The following NLRC5 variants were observed in gnomAD, a reference collection of about 807,000 sequenced individuals.
The protein encoded by NLRC5 is protein NLRC5.
In NLRC5, 114 loss-of-function variants were observed where a neutral mutation model predicts 206.9. The observed-to-expected ratio is 0.55, with a 90% confidence interval of 0.47 to 0.64. The LOEUF is 0.64. Ranked by LOEUF, NLRC5 falls within the 30% of genes least tolerant of loss-of-function variation. NLRC5 has a pLI of 0.00. For synonymous variants in NLRC5, 952 were observed against 962.8 expected (o/e 0.99, Z 0.21); for missense variants, 2,008 against 2,305.5 (o/e 0.87, Z 2.64).
chr16:57,046,403 T>C, intron 21 of NLRC5, 149 bp from the exon 22 acceptor site: 1 of 626,488 alleles, frequency 1.6e-6, no homozygotes, highest in Non-Finnish European at 2.9e-6. Flanking sequence ...CTGAGATGCC[T>C]TCCAGCCCTG....
chr16:57,022,200 G>A, intron 3 of NLRC5, 56 bp from the exon 4 acceptor site: 1 of 1,510,658 alleles, frequency 6.6e-7, no homozygotes, highest in African/African-American at 1.4e-5. Context: ...GCCAGAGCTG[G>A]TCCCCAGCAT....
chr16:57,064,585 C>T (rs1163091502), intron 32 of NLRC5, among the ~76,000 whole-genome samples: 3 of 152,120 alleles, frequency 2.0e-5, no homozygotes, highest in African/African-American at 7.2e-5. Flanking sequence ...AGTTTGGTTT[C>T]CTTACCTTTG....
At chr16:57,058,451 C>A in intron 28 of NLRC5, 1 of 426,754 alleles carries the variant, frequency 2.3e-6, no homozygotes, top group Non-Finnish European at 4.3e-6. Context: ...CCATCCCCAA[C>A]CAGCTGATGC....
Position 57,070,450 on chromosome 16 carries a change from A to G in NLRC5, c.4584-85A>G, listed in dbSNP as rs1191502908. The G allele has an allele frequency of 1.1e-5, 13 of 1,214,990 alleles. No individual in the cohort carries two copies. The African/African-American group carries it at 1.9e-4, about 18-fold the overall frequency. The allele number at this position is 1,214,990 out of a possible 1,614,324, so 75.3% of individuals were successfully genotyped here. A position where few individuals can be genotyped will look rare whatever the true frequency, so the allele number is the denominator to read the frequency against. On this transcript the variant is annotated intron_variant, in intron 37 of 48. Coordinates refer to ENST00000688547, the MANE Select transcript of NLRC5 (RefSeq NM_001384950.1). ...GCAGAGTTGGCCTCCCAGGGGACAG[A>G]GCAGGAGAGGGGAGCTGACAGGACA... is the stretch of plus-strand genomic sequence containing the variant.
rs191020702 is a variant in NLRC5, at chr16:57,013,209, C to T, written c.-127-3865C>T. The T allele has an allele frequency of 2.4e-3, 1,117 of 457,418 alleles. 5 individuals carry two copies. Among genetic ancestry groups the T allele is most frequent in the Non-Finnish European group, 3.1e-3 (743 of 240,290 alleles). 28.3% of individuals were successfully genotyped at this position (457,418 alleles called of 1,614,324 possible). On this transcript the variant is annotated intron_variant, in intron 1 of 48. Coordinates refer to ENST00000688547, the MANE Select transcript of NLRC5 (RefSeq NM_001384950.1). Reference sequence around the variant, plus strand: ...TGACTTCTAACTTCATTAAAGGTTGCGAACAGTATCAAATCCTTGGTAAAG... The same window carrying T: ...TGACTTCTAACTTCATTAAAGGTTGTGAACAGTATCAAATCCTTGGTAAAG...
At chr16:57,041,334 CTT>C (rs1449165881) in intron 17 of NLRC5, 149 bp from the exon 18 acceptor site, 1 of 621,840 alleles carries the variant, frequency 1.6e-6, no homozygotes, top group African/African-American at 1.8e-5. Flanking sequence ...GTTGGTCCCT[CTT>C]TGTCCGTCTG....
chr16:57,065,710 C>T (rs1567631465), intron 33 of NLRC5, among the ~76,000 whole-genome samples: 2 of 152,232 alleles, frequency 1.3e-5, no homozygotes, highest in South Asian at 2.1e-4. Context: ...AACTCAGTCA[C>T]TTACTGGTTG....
At chr16:57,065,895 AG>A (rs1365475464) in intron 33 of NLRC5, among the ~76,000 whole-genome samples, 4 of 152,182 alleles carry the variant, frequency 2.6e-5, no homozygotes, top group African/African-American at 7.2e-5. Context: ...GGAGTGAGCA[AG>A]GGGATGCTCT....
In NLRC5 at chr16:57,029,759, T is replaced by C; in HGVS notation, c.2244-14T>C. On this transcript the variant is annotated splice_polypyrimidine_tract_variant and intron_variant, in intron 8 of 48. Transcript: ENST00000688547. ...ACCCCAGGGCAAAGGGACTGGGCCTTGGTCTCCTCGCAGTTTTCGGGACAA... is the reference window on the plus strand; with the variant it reads ...ACCCCAGGGCAAAGGGACTGGGCCTCGGTCTCCTCGCAGTTTTCGGGACAA... 6.2e-7 allele frequency: 1 copy of C among 1,613,586 alleles called. No homozygotes were observed. Among genetic ancestry groups the C allele is most frequent in the East Asian group, 2.2e-5 (1 of 44,872 alleles).
At chr16:56,992,893 A>C (rs1484942253) in intron 1 of NLRC5, among the ~76,000 whole-genome samples, 1 of 152,136 alleles carries the variant, frequency 6.6e-6, no homozygotes, top group Non-Finnish European at 1.5e-5. Flanking sequence ...CATGTTTTAA[A>C]ATTTTTAATT....
At chr16:57,002,933 G>A (rs1381920062) in intron 1 of NLRC5, among the ~76,000 whole-genome samples, 1 of 151,904 alleles carries the variant, frequency 6.6e-6, no homozygotes, top group Non-Finnish European at 1.5e-5. Flanking sequence ...GTGAGCCTCC[G>A]TGCCCAGCCC....
intron 1 of NLRC5, among the ~76,000 whole-genome samples, chr16:57,012,231 T>C (rs1472897703): frequency 6.6e-6 from 1 of 152,256 alleles, no homozygotes; most frequent in Non-Finnish European, 1.5e-5. Flanking sequence ...TATAGATATG[T>C]CACAGTTTGT....
chr16:57,010,176 A>G (rs1393437945), intron 1 of NLRC5, among the ~76,000 whole-genome samples: 3 of 152,170 alleles, frequency 2.0e-5, no homozygotes, highest in East Asian at 3.8e-4. Context: ...TGAAACGCAC[A>G]TGAGGCATCC....
intron 19 of NLRC5, among the ~76,000 whole-genome samples, chr16:57,042,342 A>C (rs2063388020): frequency 6.6e-6 from 1 of 152,062 alleles, no homozygotes; most frequent in Non-Finnish European, 1.5e-5. Context: ...TGGGGAGGGC[A>C]GGTGTGGGTG....
chr16:57,075,005 CT>C (rs77796033), intron 39 of NLRC5, among the ~76,000 whole-genome samples: 1 of 58,104 alleles, frequency 1.7e-5, no homozygotes, highest in African/African-American at 7.0e-5. Context: ...CTAGACTGTG[CT>C]TTTTTTTTTT....
chr16:57,006,413 CTT>C (rs58713490), intron 1 of NLRC5, among the ~76,000 whole-genome samples: 2 of 90,816 alleles, frequency 2.2e-5, no homozygotes, highest in Admixed American at 1.5e-4. Flanking sequence ...TCTTCATCCT[CTT>C]TTTTTTTTTT....
chr16:57,005,105 G>C (rs143500175), intron 1 of NLRC5, among the ~76,000 whole-genome samples: 1 of 152,134 alleles, frequency 6.6e-6, no homozygotes, highest in East Asian at 1.9e-4. Flanking sequence ...CACTTCGAAC[G>C]GAAAGCCAGA....
intron 1 of NLRC5, among the ~76,000 whole-genome samples, chr16:57,002,558 G>A (rs1369923909): frequency 6.6e-4 from 100 of 152,074 alleles, no homozygotes; most frequent in Non-Finnish European, 2.9e-5. Context: ...ATCTCTTTGA[G>A]ACACTGATTC....
intron 1 of NLRC5, among the ~76,000 whole-genome samples, chr16:57,015,209 G>A (rs960705101): frequency 5.3e-5 from 8 of 152,028 alleles, no homozygotes; most frequent in Non-Finnish European, 1.0e-4. Flanking sequence ...GATTACAGGC[G>A]TGAACCACCG....
Sources: allele counts gnomAD v4.1 joint callset (sites outside exome capture counted in the v4.1 genomes callset), GRCh38; gene constraint gnomAD v4.1.1; transcripts MANE v1.5; gene names NCBI Gene and HGNC (gene_info 2026-07-23, HGNC 2026-07-21).